HS6ST3: variants seen among roughly 807,000 people sequenced by gnomAD.
The protein encoded by HS6ST3 is heparan sulfate 6-O-sulfotransferase 3, also known as heparan-sulfate 6-O-sulfotransferase 3.
In HS6ST3, 12 loss-of-function variants were observed where a neutral mutation model predicts 36.7. That is an observed-to-expected ratio of 0.33 (90% CI 0.21 to 0.53). HS6ST3 has a LOEUF of 0.53. HS6ST3 is among the 20% of genes least tolerant of loss of function. The probability of loss-of-function intolerance (pLI) is 0.95; values close to 1 mark genes in which losing one functional copy is unlikely to be tolerated. For synonymous variants in HS6ST3, 240 were observed against 257.5 expected, an observed-to-expected ratio of 0.93 and a Z score of 0.65; for missense variants, 584 against 640.9, an observed-to-expected ratio of 0.91 and a Z score of 0.96.
At chr13:96,206,863 A>G (rs922411176) in intron 1 of HS6ST3, among the ~76,000 whole-genome samples, 5 of 152,320 alleles carry the variant, frequency 3.3e-5, no homozygotes, top group South Asian at 2.1e-4. Flanking sequence ...ATCCTAGAAG[A>G]AAATCTAGGA....
At chr13:96,533,572 A>G (rs1026452727) in intron 1 of HS6ST3, among the ~76,000 whole-genome samples, 2 of 152,234 alleles carry the variant, frequency 1.3e-5, no homozygotes, top group Non-Finnish European at 2.9e-5. Flanking sequence ...TTTCCACTTC[A>G]GAAGACATCA....
At chr13:96,696,136 G>A (rs1006255756) in intron 1 of HS6ST3, among the ~76,000 whole-genome samples, 24 of 152,236 alleles carry the variant, frequency 1.6e-4, no homozygotes, top group South Asian at 2.1e-4. Flanking sequence ...TTACTTGACC[G>A]TGGGGCTGGC....
chr13:96,146,904 G>A (rs1479719444), intron 1 of HS6ST3, among the ~76,000 whole-genome samples: 1 of 152,224 alleles, frequency 6.6e-6, no homozygotes, highest in Non-Finnish European at 1.5e-5. Context: ...GGATGAGGCA[G>A]AAGGTGGTAT....
intron 1 of HS6ST3, among the ~76,000 whole-genome samples, chr13:96,096,663 G>A (rs190976444): frequency 3.4e-4 from 52 of 152,268 alleles, no homozygotes; most frequent in African/African-American, 1.1e-3. Context: ...GTATTAGGTC[G>A]TCTGCTTCTT....
chr13:96,537,588 T>G (rs2056160851), intron 1 of HS6ST3, among the ~76,000 whole-genome samples: 1 of 152,220 alleles, frequency 6.6e-6, no homozygotes, highest in Non-Finnish European at 1.5e-5. Context: ...CTTCTAAGAT[T>G]GTAAACATCT....
intron 1 of HS6ST3, among the ~76,000 whole-genome samples, chr13:96,728,236 A>G (rs974183790): frequency 1.3e-5 from 2 of 152,220 alleles, no homozygotes; most frequent in Non-Finnish European, 2.9e-5. Flanking sequence ...GTTCAGAGGT[A>G]AGTGGGATTA....
intron 1 of HS6ST3, among the ~76,000 whole-genome samples, chr13:96,716,195 C>T (rs1027639711): frequency 4.6e-5 from 7 of 151,926 alleles, no homozygotes; most frequent in Non-Finnish European, 1.0e-4. Context: ...TCAAAATTTT[C>T]AGATGTCCCA....
Position 96,423,033 on chromosome 13 carries a change from G to A in HS6ST3, c.707+331464G>A, listed in dbSNP as rs368776565. On this transcript the variant is annotated intron_variant, in intron 1 of 1. Coordinates refer to ENST00000376705, the MANE Select transcript of HS6ST3 (RefSeq NM_153456.4). ...TAATTGAAATTAAAATCATCAATGGGGAATAGAACACATACAAAGCCTTTT... is the reference window on the plus strand; with the variant it reads ...TAATTGAAATTAAAATCATCAATGGAGAATAGAACACATACAAAGCCTTTT... Among the ~76,000 whole-genome samples the A allele has an allele frequency of 5.3e-4, 81 of 152,142 alleles. 2 individuals are homozygous for A. The South Asian group carries it at 0.016, about 30-fold the overall frequency.
intron 1 of HS6ST3, among the ~76,000 whole-genome samples, chr13:96,461,181 G>T (rs946370747): frequency 2.0e-5 from 3 of 152,146 alleles, no homozygotes; most frequent in African/African-American, 7.2e-5. Flanking sequence ...TATAGAGCTG[G>T]ATTTATCTGT....
chr13:96,485,469 T>C (rs1280506540), intron 1 of HS6ST3, among the ~76,000 whole-genome samples: 2 of 152,196 alleles, frequency 1.3e-5, no homozygotes, highest in East Asian at 3.8e-4. Flanking sequence ...TCTACAAGTT[T>C]CAGGAGATTT....
intron 1 of HS6ST3, among the ~76,000 whole-genome samples, chr13:96,772,707 A>G (rs1193702688): frequency 6.6e-6 from 1 of 152,240 alleles, no homozygotes; most frequent in South Asian, 2.1e-4. Flanking sequence ...GAATGGGTAT[A>G]TAATAAGCCT....
In HS6ST3 at chr13:96,554,110, G is replaced by A. The variant is rs542747831; in HGVS notation, c.708-278380G>A. On this transcript the variant is annotated intron_variant, in intron 1 of 1. Coordinates refer to ENST00000376705, the MANE Select transcript of HS6ST3 (RefSeq NM_153456.4). ...GAACATGTTCAGGCAATTAGAATGT[G>A]GTGCCACAGCTCAGGTTGTGTTAGG... Among the ~76,000 whole-genome samples the A allele has an allele frequency of 5.9e-5, 9 of 152,338 alleles. No homozygotes were observed. In the South Asian group the frequency reaches 1.9e-3, roughly 32 times the overall value.
At chr13:96,611,896 G>A (rs1391401203) in intron 1 of HS6ST3, among the ~76,000 whole-genome samples, 1 of 152,168 alleles carries the variant, frequency 6.6e-6, no homozygotes. Flanking sequence ...GGGTCATCGA[G>A]TGTTTCTGAG....
chr13:96,381,378 C>CTATCTATGTATCTATGTATCTATG (rs908048300), intron 1 of HS6ST3, among the ~76,000 whole-genome samples: 12 of 137,016 alleles, frequency 8.8e-5, no homozygotes, highest in Non-Finnish European at 1.9e-4. Flanking sequence ...ATTTATCCAT[C>CTATCTATGTATCTATGTATCTATG]TATCTATGTA....
At chr13:96,542,151 A>G (rs2138942736) in intron 1 of HS6ST3, among the ~76,000 whole-genome samples, 1 of 152,332 alleles carries the variant, frequency 6.6e-6, no homozygotes, top group South Asian at 2.1e-4. Flanking sequence ...CATAAGAAAG[A>G]GATGGTCCCT....
chr13:96,259,462 G>C (rs1246795335), intron 1 of HS6ST3, among the ~76,000 whole-genome samples: 1 of 152,122 alleles, frequency 6.6e-6, no homozygotes, highest in Non-Finnish European at 1.5e-5. Context: ...AAAAATGCTA[G>C]GATACAAGAA....
At chr13:96,780,859 G>C (rs561861612) in intron 1 of HS6ST3, among the ~76,000 whole-genome samples, 1 of 151,996 alleles carries the variant, frequency 6.6e-6, no homozygotes, top group Non-Finnish European at 1.5e-5. Flanking sequence ...CATTCTTACT[G>C]GGAAGTGTGA....
At chr13:96,477,394 A>C (rs1439861273) in intron 1 of HS6ST3, among the ~76,000 whole-genome samples, 1 of 152,228 alleles carries the variant, frequency 6.6e-6, no homozygotes, top group African/African-American at 2.4e-5. Context: ...GACAATGGCT[A>C]TGCTTTGTTG....
intron 1 of HS6ST3, among the ~76,000 whole-genome samples, chr13:96,791,981 T>C (rs1452478422): frequency 6.6e-6 from 1 of 152,074 alleles, no homozygotes; most frequent in African/African-American, 2.4e-5. Flanking sequence ...AACATATACA[T>C]TGCATTATAT....
Sources: allele counts gnomAD v4.1 joint callset (sites outside exome capture counted in the v4.1 genomes callset), GRCh38; gene constraint gnomAD v4.1.1; transcripts MANE v1.5; gene names NCBI Gene and HGNC (gene_info 2026-07-23, HGNC 2026-07-21).